MARCHF1: variants seen among roughly 807,000 people sequenced by gnomAD.
MARCHF1 encodes the protein E3 ubiquitin-protein ligase MARCHF1.
A neutral mutation model predicts 54.2 loss-of-function variants in MARCHF1; 40 were observed. That is an observed-to-expected ratio of 0.74 (90% confidence interval 0.57 to 0.96). The LOEUF (loss-of-function observed/expected upper bound fraction) is 0.96, where lower values mean the gene tolerates loss of function less well. Ranked by LOEUF, MARCHF1 falls within the 40% of genes least tolerant of loss-of-function variation. MARCHF1 has a pLI of 0.00. For synonymous variants in MARCHF1, 236 were observed against 236.3 expected (o/e 1.00, Z 0.01); for missense variants, 586 against 656.5 (o/e 0.89, Z 1.17).
At chr4:164,330,926 A>C (rs1735419008) in intron 1 of MARCHF1, among the ~76,000 whole-genome samples, 1 of 152,186 alleles carries the variant, frequency 6.6e-6, no homozygotes, top group African/African-American at 2.4e-5. Flanking sequence ...CAGTTCTGTA[A>C]AAGTGATTTT....
chr4:163,744,939 G>T (rs1224180173), intron 4 of MARCHF1, among the ~76,000 whole-genome samples: 2 of 151,786 alleles, frequency 1.3e-5, no homozygotes, highest in East Asian at 3.9e-4. Context: ...TACTAAATAG[G>T]CCTAAAAATT....
At chr4:164,316,834 G>T (rs1735013822) in intron 1 of MARCHF1, among the ~76,000 whole-genome samples, 1 of 152,024 alleles carries the variant, frequency 6.6e-6, no homozygotes, top group African/African-American at 2.4e-5. Context: ...TGATCTGGTT[G>T]TTTAAAAGTA....
intron 2 of MARCHF1, among the ~76,000 whole-genome samples, chr4:164,050,725 G>A (rs1280669993): frequency 6.6e-6 from 1 of 152,120 alleles, no homozygotes; most frequent in African/African-American, 2.4e-5. Context: ...CTGAGGTCAG[G>A]AGTTCGAGAC....
At chr4:164,063,151 C>T (rs1754656625) in intron 2 of MARCHF1, among the ~76,000 whole-genome samples, 1 of 152,110 alleles carries the variant, frequency 6.6e-6, no homozygotes. Context: ...TTCTTAAGGG[C>T]CCTACGATTT....
chr4:164,159,209 C>T (rs1157373288), intron 1 of MARCHF1, among the ~76,000 whole-genome samples: 1 of 152,088 alleles, frequency 6.6e-6, no homozygotes, highest in Non-Finnish European at 1.5e-5. Flanking sequence ...GCTGTTGATG[C>T]TAAAACGTGC....
At chr4:164,019,536 G>A (rs926072722) in intron 2 of MARCHF1, among the ~76,000 whole-genome samples, 1 of 152,148 alleles carries the variant, frequency 6.6e-6, no homozygotes, top group Non-Finnish European at 1.5e-5. Context: ...TGACAAAGTA[G>A]CATCACAATT....
In MARCHF1 at chr4:164,018,125, C is replaced by T. The variant is rs552109411; in HGVS notation, c.-247-29416G>A. Reference sequence around the variant, plus strand: ...TATTTGGAAATAAATAAAAATTGAACTTTGCTTCACACGATAAACAAAATT... The same window carrying T: ...TATTTGGAAATAAATAAAAATTGAATTTTGCTTCACACGATAAACAAAATT... On this transcript the variant is annotated intron_variant, in intron 2 of 9. Coordinates refer to ENST00000514618, the MANE Select transcript of MARCHF1 (RefSeq NM_001394959.1). 3.3e-3 allele frequency among the ~76,000 whole-genome samples: 502 copies of T among 151,904 alleles called. 6 individuals are homozygous for T. Among genetic ancestry groups the T allele is most frequent in the African/African-American group, 0.011 (457 of 41,496 alleles).
chr4:163,642,017 A>G (rs768058319), intron 5 of MARCHF1, among the ~76,000 whole-genome samples: 1 of 152,208 alleles, frequency 6.6e-6, no homozygotes, highest in African/African-American at 2.4e-5. Context: ...CCACTCCTAC[A>G]GTGCTAATGC....
chr4:164,361,004 CCTAGAGCACCTGATGGT>C (rs1730707739), intron 1 of MARCHF1, among the ~76,000 whole-genome samples: 1 of 151,472 alleles, frequency 6.6e-6, no homozygotes, highest in Non-Finnish European at 1.5e-5. Context: ...CCATAATGAC[CCTAGAGCACCTGATGGT>C]CTAGAGCACT....
At position 163,964,345 on chromosome 4, in the gene MARCHF1, A is replaced by G. The variant is rs1342545866; in HGVS notation, c.-39+24156T>C. Among the ~76,000 whole-genome samples the G allele has an allele frequency of 5.9e-5, 9 of 151,972 alleles. No homozygotes were observed. In the South Asian group the frequency reaches 1.2e-3, roughly 21 times the overall value. ...CAATGATGATGTTTTGAAAACTAAG[A>G]TTCATTACTATTTACTTAATAAACT... On this transcript the variant is annotated intron_variant, in intron 3 of 9. Coordinates refer to ENST00000514618, the MANE Select transcript of MARCHF1 (RefSeq NM_001394959.1).
At chr4:163,885,432 A>C (rs1021216574) in intron 3 of MARCHF1, among the ~76,000 whole-genome samples, 1 of 152,218 alleles carries the variant, frequency 6.6e-6, no homozygotes, top group Non-Finnish European at 1.5e-5. Context: ...TACAACTCAT[A>C]GGAAAAAGGA....
At position 163,885,145 on chromosome 4, in the gene MARCHF1, T is replaced by C. The variant is rs529180110; in HGVS notation, c.-38-30976A>G. ...AGCTTAACTAAACTTTGGTATACAA[T>C]GGCTGGTGTCAGCATCCTCAATCAG... is the stretch of plus-strand genomic sequence containing the variant. On this transcript the variant is annotated intron_variant, in intron 3 of 9. Coordinates refer to ENST00000514618, the MANE Select transcript of MARCHF1 (RefSeq NM_001394959.1). 2.0e-4 allele frequency among the ~76,000 whole-genome samples: 30 copies of C among 152,308 alleles called. 1 individual carries two copies. In the South Asian group the frequency reaches 2.5e-3, roughly 13 times the overall value.
At chr4:164,203,346 T>G (rs776422648) in intron 1 of MARCHF1, among the ~76,000 whole-genome samples, 6 of 151,950 alleles carry the variant, frequency 3.9e-5, no homozygotes, top group African/African-American at 7.3e-5. Flanking sequence ...AGAAACTTAT[T>G]TTGTTAATTT....
intron 9 of MARCHF1, among the ~76,000 whole-genome samples, chr4:163,538,988 T>G (rs1049055549): frequency 6.8e-6 from 1 of 147,982 alleles, no homozygotes; most frequent in African/African-American, 2.6e-5. Context: ...GTGGTTTCGC[T>G]CTCTCCTGAT....
chr4:164,047,817 C>T (rs572991144), intron 2 of MARCHF1, among the ~76,000 whole-genome samples: 56 of 152,226 alleles, frequency 3.7e-4, no homozygotes, highest in African/African-American at 1.3e-3. Context: ...AACTTAAGTT[C>T]ATATTATGCA....
intron 1 of MARCHF1, among the ~76,000 whole-genome samples, chr4:164,281,146 G>A (rs1055994192): frequency 6.6e-6 from 1 of 152,096 alleles, no homozygotes; most frequent in African/African-American, 2.4e-5. Context: ...ATCATTTATT[G>A]TTCTGCAAAA....
intron 1 of MARCHF1, among the ~76,000 whole-genome samples, chr4:164,117,423 T>A (rs1755961414): frequency 6.6e-6 from 1 of 152,182 alleles, no homozygotes; most frequent in Non-Finnish European, 1.5e-5. Flanking sequence ...TGGATTTGGC[T>A]TCATTAGATC....
intron 5 of MARCHF1, among the ~76,000 whole-genome samples, chr4:163,641,106 G>T (rs1742537045): frequency 6.6e-6 from 1 of 151,846 alleles, no homozygotes; most frequent in Admixed American, 6.6e-5. Flanking sequence ...TTAACATCTG[G>T]CAAATATACT....
intron 2 of MARCHF1, among the ~76,000 whole-genome samples, chr4:163,997,279 A>G (rs1233418986): frequency 6.6e-6 from 1 of 152,038 alleles, no homozygotes; most frequent in East Asian, 1.9e-4. Flanking sequence ...TGAGGCTAAA[A>G]AACAGTATGG....
Sources: gnomAD v4.1 joint callset for allele counts (sites outside exome capture counted in the v4.1 genomes callset) on GRCh38, gnomAD v4.1.1 for gene constraint, MANE v1.5 for transcripts, NCBI Gene and HGNC (gene_info 2026-07-23, HGNC 2026-07-21) for gene names.